PI15: variants seen among roughly 807,000 people sequenced by gnomAD.
PI15 encodes the protein 25 kDa trypsin inhibitor.
PI15 carries 18 observed loss-of-function variants against 31.0 expected under a neutral mutation model. That is an observed-to-expected ratio of 0.58 (90% confidence interval 0.40 to 0.86). PI15 has a LOEUF of 0.86. Among genes scored for constraint, PI15 ranks in the 40% least tolerant of loss-of-function variants. The probability of loss-of-function intolerance (pLI) is 0.00; values close to 1 mark genes in which losing one functional copy is unlikely to be tolerated. For synonymous variants in PI15, 118 were observed against 119.1 expected, an observed-to-expected ratio of 0.99 and a Z score of 0.06; for missense variants, 282 against 328.1, an observed-to-expected ratio of 0.86 and a Z score of 1.09.
intron 2 of PI15, among the ~76,000 whole-genome samples, chr8:74,838,815 C>A (rs1394972151): frequency 2.0e-5 from 3 of 152,090 alleles, no homozygotes; most frequent in Non-Finnish European, 4.4e-5. Flanking sequence ...TTGGGGGTTG[C>A]CTTCCATTTC....
chr8:74,833,056 G>C (rs1243220756), intron 2 of PI15, among the ~76,000 whole-genome samples: 1 of 152,104 alleles, frequency 6.6e-6, no homozygotes, highest in East Asian at 1.9e-4. Context: ...GAAGGCATTT[G>C]AATCCTTCTG....
Position 74,844,058 on chromosome 8 carries a change from A to G in PI15, c.351A>G (p.Leu117=), listed in dbSNP as rs773016959. ...TCIWDHGPSY[L]LRFLGQNLSV... is the part of the protein sequence containing the mutation. ...TTTGGGACCATGGACCTTCTTACTT[A>G]CTGAGATTTTTGGGCCAAAATCTAT... is the stretch of plus-strand genomic sequence containing the variant. The change falls in exon 3 of 6, where the codon TTA becomes TTG. Residue 117 remains leucine, a synonymous_variant. Coordinates refer to ENST00000260113, the MANE Select transcript of PI15 (RefSeq NM_015886.5). 1.2e-6 allele frequency: 2 copies of G among 1,602,086 alleles called. No individual in the cohort carries two copies. The highest frequency in any genetic ancestry group is 1.7e-6 in the Non-Finnish European group (2 of 1,169,082).
At chr8:74,829,549 A>T (rs949692538) in intron 2 of PI15, among the ~76,000 whole-genome samples, 1 of 152,158 alleles carries the variant, frequency 6.6e-6, no homozygotes, top group East Asian at 1.9e-4. Flanking sequence ...TCTGAATTTA[A>T]GTCAATTGAA....
intron 5 of PI15, among the ~76,000 whole-genome samples, chr8:74,847,060 T>A (rs943673835): frequency 6.6e-6 from 1 of 152,178 alleles, no homozygotes; most frequent in Admixed American, 6.5e-5. Context: ...TAAAAATATG[T>A]GCTCCAAAAA....
rs568888695 is a variant in PI15 at position 74,849,926 on chromosome 8, G to A, written c.*673G>A. 5.3e-5 allele frequency: 8 copies of A among 152,170 alleles called. No homozygotes were observed. The highest frequency in any genetic ancestry group is 7.2e-5 in the African/African-American group (3 of 41,516). 9.4% of individuals were successfully genotyped at this position (152,170 alleles called of 1,614,324 possible). A position where few individuals can be genotyped will look rare whatever the true frequency, so the allele number is the denominator to read the frequency against. ...TATAAGTTCTCAAATCATGCCTTCC[G>A]CTTAGTCTCATTTTATTCATTCAGT... On this transcript the variant is annotated 3_prime_UTR_variant, in exon 6 of 6. Transcript: ENST00000260113.
At chr8:74,825,154 T>A (rs75318736) in intron 1 of PI15, 56 bp from the exon 2 acceptor site, 3 of 975,058 alleles carry the variant, frequency 3.1e-6, no homozygotes, top group African/African-American at 3.3e-5. Context: ...TGTAAATTCA[T>A]ACCCTCTGGC....
intron 2 of PI15, among the ~76,000 whole-genome samples, chr8:74,837,385 A>G (rs1810887238): frequency 6.6e-6 from 1 of 152,102 alleles, no homozygotes; most frequent in African/African-American, 2.4e-5. Context: ...CCCTGGCCTA[A>G]CAAGGCTCAG....
Position 74,825,332 on chromosome 8 carries a change from C to T in PI15, c.83C>T (p.Thr28Ile). 1 of 1,613,326 alleles carries T rather than the reference C, an allele frequency of 6.2e-7. No individual in the cohort carries two copies. The highest frequency in any genetic ancestry group is 8.5e-7 in the Non-Finnish European group (1 of 1,179,434). The change falls in exon 2 of 6, where the codon ACT becomes ATT. Residue 28 changes from threonine to isoleucine, a missense_variant. Coordinates refer to ENST00000260113, the MANE Select transcript of PI15 (RefSeq NM_015886.5). ...AGTACCGTCGTCCTACTCAATTCCA[C>T]TGACTCATCCCCGCCAACCAATAAT... Reference protein sequence around the residue: ...EASTVVLLNSTDSSPPTNNFT... With the variant: ...EASTVVLLNSIDSSPPTNNFT...
In PI15 at chr8:74,854,468, C is replaced by T. The variant is rs1811152371; in HGVS notation, c.*5215C>T. ...CTCTGAGCCCTAGGATTGATTCTAT[C>T]ACACAGAGCAACATTAATCTAAATG... On this transcript the variant is annotated 3_prime_UTR_variant, in exon 6 of 6. Transcript: ENST00000260113. 6.6e-6 allele frequency: 1 copy of T among 152,044 alleles called. No individual in the cohort carries two copies. Among genetic ancestry groups the T allele is most frequent in the Admixed American group, 6.6e-5 (1 of 15,252 alleles). The allele number at this position is 152,044 out of a possible 1,614,324, so 9.4% of individuals were successfully genotyped here. A position where few individuals can be genotyped will look rare whatever the true frequency, so the allele number is the denominator to read the frequency against.
intron 2 of PI15, among the ~76,000 whole-genome samples, chr8:74,827,882 C>T (rs532947415): frequency 1.3e-5 from 2 of 152,212 alleles, no homozygotes; most frequent in African/African-American, 4.8e-5. Context: ...TAGGTGCTTT[C>T]TAAATGCTCC....
rs151180210 is a variant in PI15, at chr8:74,849,155, G to A, written c.679G>A (p.Val227Ile). The A allele has an allele frequency of 1.2e-5, 19 of 1,612,662 alleles. No individual in the cohort carries two copies. In the African/African-American group the frequency reaches 2.5e-4, roughly 22 times the overall value. ...TGGAGAAGCACCATATAAAGTAGGG[G>A]TACCATGTTCATCTTGTCCTCCAAG... ...WIGEAPYKVGVPCSSCPPSYG... is the reference protein window; with the variant it reads ...WIGEAPYKVGIPCSSCPPSYG... The change falls in exon 6 of 6, where the codon GTA (valine) becomes ATA (isoleucine). Residue 227 changes from valine to isoleucine, a missense_variant. Transcript: ENST00000260113.
At chr8:74,841,645 C>G (rs969237024) in intron 2 of PI15, among the ~76,000 whole-genome samples, 2 of 152,068 alleles carry the variant, frequency 1.3e-5, no homozygotes, top group Non-Finnish European at 2.9e-5. Flanking sequence ...TGTTAATAAC[C>G]TTTTAGGGGA....
At chr8:74,847,179 C>A (rs909184794) in intron 5 of PI15, among the ~76,000 whole-genome samples, 8 of 152,124 alleles carry the variant, frequency 5.3e-5, no homozygotes, top group Admixed American at 5.2e-4. Flanking sequence ...GGTGCGATGG[C>A]TCACTCCTGT....
intron 5 of PI15, among the ~76,000 whole-genome samples, chr8:74,848,778 G>C (rs1311625319): frequency 6.7e-6 from 1 of 149,188 alleles, no homozygotes; most frequent in African/African-American, 2.5e-5. Context: ...CTGTCGCCCA[G>C]GCTGGAGTGC....
rs2128767501 is a variant in PI15, at chr8:74,854,758, T to G, written c.*5505T>G. 1 of 152,252 alleles carries G rather than the reference T, an allele frequency of 6.6e-6. No individual in the cohort carries two copies. The highest frequency in any genetic ancestry group is 2.4e-5 in the African/African-American group (1 of 41,574). 9.4% of individuals were successfully genotyped at this position (152,252 alleles called of 1,614,324 possible). A position where few individuals can be genotyped will look rare whatever the true frequency, so the allele number is the denominator to read the frequency against. ...TTGTGATGCATATATATAAACACTA[T>G]TTTTAAAAAATATCTAAATATGTCT... On this transcript the variant is annotated 3_prime_UTR_variant, in exon 6 of 6. Transcript: ENST00000260113.
chr8:74,843,987 G>A lies in PI15; in HGVS notation c.280G>A (p.Asp94Asn), dbSNP rs1810983795. ...PAANMEYMVW[D>N]ENLAKSAEAW... ...AGATTTTTTTCCCCTACAGGTTTGG[G>A]ATGAAAATCTTGCAAAATCGGCAGA... Residue 94 changes from aspartate to asparagine, a missense_variant, in exon 3 of 6, where the codon GAT becomes AAT. Coordinates refer to ENST00000260113, the MANE Select transcript of PI15 (RefSeq NM_015886.5). The A allele has an allele frequency of 6.5e-7, 1 of 1,546,780 alleles. No homozygotes were observed. Among genetic ancestry groups the A allele is most frequent in the Non-Finnish European group, 8.9e-7 (1 of 1,118,560 alleles).
At chr8:74,832,324 G>T (rs779756416) in intron 2 of PI15, among the ~76,000 whole-genome samples, 1 of 152,108 alleles carries the variant, frequency 6.6e-6, no homozygotes, top group Non-Finnish European at 1.5e-5. Flanking sequence ...CCCAGGACAC[G>T]CACCTCTGGA....
chr8:74,833,589 C>A (rs549049400), intron 2 of PI15, among the ~76,000 whole-genome samples: 1 of 152,028 alleles, frequency 6.6e-6, no homozygotes, highest in Non-Finnish European at 1.5e-5. Context: ...ATTCTACCAC[C>A]ATTCCCAAAT....
chr8:74,848,102 T>C (rs181519897), intron 5 of PI15, among the ~76,000 whole-genome samples: 1 of 152,154 alleles, frequency 6.6e-6, no homozygotes, highest in Non-Finnish European at 1.5e-5. Context: ...ATTATTATGA[T>C]AATGGCCATC....
Sources: gnomAD v4.1 joint callset for allele counts (sites outside exome capture counted in the v4.1 genomes callset) on GRCh38, gnomAD v4.1.1 for gene constraint, MANE v1.5 for transcripts, NCBI Gene and HGNC (gene_info 2026-07-23, HGNC 2026-07-21) for gene names.